EYA1: variants seen among roughly 807,000 people sequenced by gnomAD.
EYA1 encodes the protein protein phosphatase EYA1.
EYA1 carries 16 observed loss-of-function variants against 82.0 expected under a neutral mutation model. The observed-to-expected ratio is 0.20, with a 90% CI of 0.13 to 0.30. The LOEUF is 0.30. EYA1 is among the 10% of genes least tolerant of loss of function. EYA1 has a pLI of 1.00. For missense variants in EYA1, 633 were observed against 730.7 expected, an observed-to-expected ratio of 0.87 and a Z score of 1.54; for synonymous variants, 261 against 264.4, an observed-to-expected ratio of 0.99 and a Z score of 0.12.
intron 11 of EYA1, among the ~76,000 whole-genome samples, chr8:71,266,776 C>G (rs950060977): frequency 1.3e-5 from 2 of 152,174 alleles, no homozygotes; most frequent in African/African-American, 2.4e-5. Context: ...AAGCAGTTGT[C>G]TAATAAGCAT....
At chr8:71,394,941 A>C (rs1316935889) in intron 2 of EYA1, among the ~76,000 whole-genome samples, 1 of 152,186 alleles carries the variant, frequency 6.6e-6, no homozygotes, top group Non-Finnish European at 1.5e-5. Context: ...ATGTTCTTCC[A>C]TTTGTTTGTA....
At chr8:71,206,940 A>G (rs1014402509) in intron 17 of EYA1, among the ~76,000 whole-genome samples, 1 of 150,858 alleles carries the variant, frequency 6.6e-6, no homozygotes, top group Non-Finnish European at 1.5e-5. Flanking sequence ...ATCTTTTATA[A>G]AGACAGGGTT....
intron 1 of EYA1, among the ~76,000 whole-genome samples, chr8:71,537,702 C>T (rs1814815714): frequency 6.6e-6 from 1 of 152,156 alleles, no homozygotes; most frequent in Non-Finnish European, 1.5e-5. Context: ...CCTTTCCATA[C>T]CTGTCTTGTG....
At chr8:71,490,492 T>C (rs1024506491) in intron 2 of EYA1, among the ~76,000 whole-genome samples, 1 of 152,164 alleles carries the variant, frequency 6.6e-6, no homozygotes, top group African/African-American at 2.4e-5. Context: ...AGTAGAAAAT[T>C]TGTTGTTTAT....
At chr8:71,473,090 A>T (rs1809358658) in intron 2 of EYA1, among the ~76,000 whole-genome samples, 1 of 151,838 alleles carries the variant, frequency 6.6e-6, no homozygotes, top group Non-Finnish European at 1.5e-5. Flanking sequence ...GTTCTTTCCC[A>T]CTTGTAAGAA....
In EYA1 at chr8:71,470,397, A is replaced by G. The variant is rs546153981; in HGVS notation, c.33+65347T>C. ...CAATGAGGTTTCTCTGATCTAACCC[A>G]TAACTCACATATGAATTTCACAAGA... On this transcript the variant is annotated intron_variant, in intron 2 of 18. Coordinates refer to the EYA1 transcript ENST00000643681. 2.0e-5 allele frequency among the ~76,000 whole-genome samples: 3 copies of G among 152,256 alleles called. No individual in the cohort carries two copies. The East Asian group carries it at 5.8e-4, about 29-fold the overall frequency.
intron 10 of EYA1, among the ~76,000 whole-genome samples, chr8:71,270,718 C>A (rs552716274): frequency 6.7e-4 from 102 of 152,316 alleles, no homozygotes; most frequent in African/African-American, 2.2e-3. Flanking sequence ...CTTAATCCTT[C>A]CTGCTTTTGA....
At position 71,198,885 on chromosome 8, in the gene EYA1, C is replaced by A; in HGVS notation, c.*455G>T. 4.9e-6 allele frequency: 1 copy of A among 204,448 alleles called. No homozygotes were observed. The highest frequency in any genetic ancestry group is 1.0e-5 in the Non-Finnish European group (1 of 98,724). The allele number at this position is 204,448 out of a possible 1,614,324, so 12.7% of individuals were successfully genotyped here. On this transcript the variant is annotated 3_prime_UTR_variant, in exon 18 of 18. Coordinates refer to ENST00000340726, the MANE Select transcript of EYA1 (RefSeq NM_000503.6). ...AAATAAGTAGAGATGTACAGATTAC[C>A]CTGGGTATGAGACACCAAAAAGTAA...
chr8:71,287,687 T>G (rs908622680), intron 9 of EYA1, among the ~76,000 whole-genome samples: 1 of 152,190 alleles, frequency 6.6e-6, no homozygotes, highest in Non-Finnish European at 1.5e-5. Context: ...CAATCCACAA[T>G]GTACAACAGT....
chr8:71,346,965 A>C (rs1268700791), intron 3 of EYA1, among the ~76,000 whole-genome samples: 3 of 152,224 alleles, frequency 2.0e-5, no homozygotes, highest in Non-Finnish European at 4.4e-5. Flanking sequence ...TGCTAAGGAC[A>C]CTAGAGTGAA....
intron 6 of EYA1, among the ~76,000 whole-genome samples, chr8:71,318,138 T>C (rs1281764023): frequency 1.3e-5 from 2 of 152,184 alleles, no homozygotes; most frequent in Non-Finnish European, 2.9e-5. Context: ...TCCTATACCA[T>C]CACAGTATTT....
At chr8:71,243,165 AT>A (rs976364355) in intron 12 of EYA1, among the ~76,000 whole-genome samples, 1 of 152,212 alleles carries the variant, frequency 6.6e-6, no homozygotes, top group African/African-American at 2.4e-5. Context: ...ATTAACACCT[AT>A]TAACATCAAT....
At chr8:71,502,410 T>A (rs1811876535) in intron 2 of EYA1, among the ~76,000 whole-genome samples, 1 of 152,250 alleles carries the variant, frequency 6.6e-6, no homozygotes, top group African/African-American at 2.4e-5. Context: ...TAGATTTTAA[T>A]CATTTTAATT....
chr8:71,434,946 C>T (rs1805892206), intron 2 of EYA1, among the ~76,000 whole-genome samples: 1 of 152,032 alleles, frequency 6.6e-6, no homozygotes, highest in Admixed American at 6.6e-5. Context: ...TGCATACACA[C>T]ATATACTATG....
chr8:71,430,903 G>GAAA (rs10576758), intron 2 of EYA1, among the ~76,000 whole-genome samples: 7 of 135,836 alleles, frequency 5.2e-5, no homozygotes, highest in African/African-American at 1.9e-4. Flanking sequence ...CTAGAAAGGA[G>GAAA]AAAAAAAAAA....
intron 6 of EYA1, among the ~76,000 whole-genome samples, chr8:71,320,136 A>C (rs1822373967): frequency 6.6e-6 from 1 of 152,168 alleles, no homozygotes; most frequent in Non-Finnish European, 1.5e-5. Flanking sequence ...AGACAAGGAC[A>C]TTCATTAATG....
At chr8:71,408,267 C>T (rs763967563) in intron 2 of EYA1, among the ~76,000 whole-genome samples, 2 of 152,232 alleles carry the variant, frequency 1.3e-5, no homozygotes, top group Admixed American at 6.5e-5. Context: ...GCTGCAAAAT[C>T]ATGCCAAAAT....
chr8:71,340,906 A>G (rs534877358), intron 3 of EYA1, among the ~76,000 whole-genome samples: 2 of 152,292 alleles, frequency 1.3e-5, no homozygotes, highest in East Asian at 3.9e-4. Context: ...GTTACAACTG[A>G]CTTCATACTA....
chr8:71,450,923 A>G (rs1480222849), intron 2 of EYA1, among the ~76,000 whole-genome samples: 7 of 152,242 alleles, frequency 4.6e-5, no homozygotes, highest in Non-Finnish European at 1.0e-4. Context: ...ACAAGTAAGC[A>G]AAGATTATGA....
Sources: gnomAD v4.1 joint callset for allele counts (sites outside exome capture counted in the v4.1 genomes callset) on GRCh38, gnomAD v4.1.1 for gene constraint, MANE v1.5 for transcripts, NCBI Gene and HGNC (gene_info 2026-07-23, HGNC 2026-07-21) for gene names.